Variants in KHDRBS2 observed in about 807,000 individuals in gnomAD.
The protein encoded by KHDRBS2 is KH domain-containing, RNA-binding, signal transduction-associated protein 2.
Under a neutral mutation model 44.3 loss-of-function variants are expected in KHDRBS2, and 26 were observed. That is an observed-to-expected ratio of 0.59 (90% CI 0.43 to 0.81). The LOEUF (loss-of-function observed/expected upper bound fraction) is 0.81. Among genes scored for constraint, KHDRBS2 ranks in the 40% least tolerant of loss-of-function variants. The pLI is 0.00. For missense variants in KHDRBS2, 476 were observed against 433.1 expected (o/e 1.10, Z -0.88); for synonymous variants, 194 against 151.1 (o/e 1.28, Z -2.08).
intron 6 of KHDRBS2, among the ~76,000 whole-genome samples, chr6:61,881,676 T>G (rs1800229219): frequency 6.6e-6 from 1 of 151,974 alleles, no homozygotes; most frequent in African/African-American, 2.4e-5. Context: ...CCTCCTAATC[T>G]CTAACTTAGT....
the KHDRBS2 span, among the ~76,000 whole-genome samples, chr6:61,627,078 C>G: frequency 6.6e-6 from 1 of 151,088 alleles, no homozygotes; most frequent in Non-Finnish European, 1.5e-5. Context: ...ACGGTGAAAC[C>G]CCGTCTCTAC....
intron 3 of KHDRBS2, among the ~76,000 whole-genome samples, chr6:61,979,570 G>A (rs949156360): frequency 2.0e-5 from 3 of 152,148 alleles, no homozygotes; most frequent in South Asian, 2.1e-4. Flanking sequence ...GCATCCCTGC[G>A]TTCCTGTATA....
chr6:61,758,291 T>C (rs1426887300), intron 6 of KHDRBS2, among the ~76,000 whole-genome samples: 4 of 152,130 alleles, frequency 2.6e-5, no homozygotes, highest in African/African-American at 9.7e-5. Context: ...TGTATGTTTT[T>C]TGTTGTTTTA....
At chr6:61,604,375 T>C in the KHDRBS2 span, among the ~76,000 whole-genome samples, 4 of 152,302 alleles carry the variant, frequency 2.6e-5, no homozygotes, top group African/African-American at 7.2e-5. Flanking sequence ...TTATCCCTCA[T>C]GGCAGTTTTT....
At chr6:61,850,092 T>C (rs1308240317) in intron 6 of KHDRBS2, among the ~76,000 whole-genome samples, 2 of 152,150 alleles carry the variant, frequency 1.3e-5, no homozygotes, top group Admixed American at 6.5e-5. Flanking sequence ...GCCTTTACAC[T>C]TGTTAACCCT....
chr6:61,836,417 C>T (rs1792677976), intron 6 of KHDRBS2, among the ~76,000 whole-genome samples: 2 of 151,940 alleles, frequency 1.3e-5, no homozygotes, highest in Admixed American at 6.6e-5. Context: ...GAAGAGTTGG[C>T]AAAATGACAG....
intron 1 of KHDRBS2, among the ~76,000 whole-genome samples, chr6:62,178,224 A>G (rs1270042939): frequency 6.6e-6 from 1 of 151,548 alleles, no homozygotes; most frequent in Non-Finnish European, 1.5e-5. Flanking sequence ...GCCCTGAATG[A>G]CAGAGAAGAA....
intron 4 of KHDRBS2, among the ~76,000 whole-genome samples, chr6:61,915,711 C>A (rs1806869687): frequency 6.6e-6 from 1 of 151,992 alleles, no homozygotes; most frequent in African/African-American, 2.4e-5. Context: ...ATACTATCAA[C>A]AAACCCTCTC....
rs1425839225 is a variant in KHDRBS2 at position 61,993,673 on chromosome 6, A to ATATATATT, written c.337-15462_337-15461insAATATATA. 4.2e-3 allele frequency among the ~76,000 whole-genome samples: 491 copies of ATATATATT among 115,646 alleles called. 4 individuals carry two copies. The highest frequency in any genetic ancestry group is 0.015 in the African/African-American group (466 of 30,948). 75.9% of individuals were successfully genotyped at this position (115,646 alleles called of 152,430 possible). On this transcript the variant is annotated intron_variant, in intron 3 of 8. Transcript: ENST00000281156. ...ATCATATATATATATATATATATAT[A>ATATATATT]TTTTTTTTTTTTGATGTGAGCTTAT...
chr6:61,642,413 T>C, the KHDRBS2 span, among the ~76,000 whole-genome samples: 1 of 151,754 alleles, frequency 6.6e-6, no homozygotes, highest in Non-Finnish European at 1.5e-5. Context: ...CCCAGCACTT[T>C]TGGAGTCCAA....
intron 1 of KHDRBS2, among the ~76,000 whole-genome samples, chr6:62,264,386 T>A (rs1190632211): frequency 1.3e-5 from 2 of 151,826 alleles, no homozygotes; most frequent in African/African-American, 2.4e-5. Flanking sequence ...AATGAATATA[T>A]CCATAATCAT....
intron 2 of KHDRBS2, among the ~76,000 whole-genome samples, chr6:62,152,149 G>A (rs564472682): frequency 5.9e-5 from 9 of 152,056 alleles, no homozygotes; most frequent in Non-Finnish European, 8.8e-5. Flanking sequence ...GAGAAACACC[G>A]ACTCTACTAA....
At chr6:61,792,715 G>A (rs771188532) in intron 6 of KHDRBS2, among the ~76,000 whole-genome samples, 1 of 151,788 alleles carries the variant, frequency 6.6e-6, no homozygotes, top group Admixed American at 6.6e-5. Context: ...CTTCAAATCT[G>A]TAAGTTAGCT....
In KHDRBS2 at chr6:62,064,718, T is replaced by C. The variant is rs977364731; in HGVS notation, c.220-16724A>G. ...GGCATTACCATTCAGGTCACAGGCA[T>C]GGGCAAGGGCTTCATGTCTAAAACA... On this transcript the variant is annotated intron_variant, in intron 2 of 8. Transcript: ENST00000281156. Among the ~76,000 whole-genome samples, 104 of 152,224 alleles carry C rather than the reference T, an allele frequency of 6.8e-4. 1 individual carries two copies. Among genetic ancestry groups the C allele is most frequent in the Non-Finnish European group, 1.2e-3 (83 of 68,026 alleles).
the KHDRBS2 span, among the ~76,000 whole-genome samples, chr6:61,673,565 C>T: frequency 2.1e-5 from 3 of 143,612 alleles, no homozygotes; most frequent in African/African-American, 5.1e-5. Flanking sequence ...TGATAAGCAA[C>T]TTCAGCAAAG....
At chr6:61,933,177 G>C (rs184361445) in intron 4 of KHDRBS2, among the ~76,000 whole-genome samples, 6 of 152,160 alleles carry the variant, frequency 3.9e-5, no homozygotes, top group Non-Finnish European at 8.8e-5. Context: ...TGGAGGAAGA[G>C]GAAGAGAGAG....
chr6:61,828,962 A>G (rs1285472883), intron 6 of KHDRBS2, among the ~76,000 whole-genome samples: 3 of 152,220 alleles, frequency 2.0e-5, no homozygotes, highest in Admixed American at 1.3e-4. Flanking sequence ...AGGATTATTA[A>G]TTTACTCTGG....
At chr6:61,759,301 G>A (rs990006003) in intron 6 of KHDRBS2, among the ~76,000 whole-genome samples, 5 of 151,978 alleles carry the variant, frequency 3.3e-5, no homozygotes, top group Non-Finnish European at 1.5e-5. Context: ...CCATATAGTC[G>A]TATTTATGGT....
chr6:62,116,742 C>G (rs1468143130), intron 2 of KHDRBS2, among the ~76,000 whole-genome samples: 1 of 152,036 alleles, frequency 6.6e-6, no homozygotes, highest in Non-Finnish European at 1.5e-5. Context: ...AAATGCCAGT[C>G]TCTCTTCATT....
Sources: gnomAD v4.1 joint callset for allele counts (sites outside exome capture counted in the v4.1 genomes callset) on GRCh38, gnomAD v4.1.1 for gene constraint, MANE v1.5 for transcripts, NCBI Gene and HGNC (gene_info 2026-07-23, HGNC 2026-07-21) for gene names.